The following CCT2 variants were observed in gnomAD, a reference collection of about 807,000 sequenced individuals.
CCT2 encodes the protein T-complex protein 1 subunit beta.
A neutral mutation model predicts 61.8 loss-of-function variants in CCT2; 18 were observed. That is an observed-to-expected ratio of 0.29 (90% CI 0.20 to 0.43). CCT2 has a LOEUF of 0.43. Ranked by LOEUF, CCT2 falls within the 20% of genes least tolerant of loss-of-function variation. The pLI is 1.00. For missense variants in CCT2, 556 were observed against 656.9 expected (o/e 0.85, Z 1.68); for synonymous variants, 248 against 215.9 (o/e 1.15, Z -1.30).
rs774471480 is a variant in CCT2 at position 69,588,165 on chromosome 12, A to C, written c.349A>C (p.Ile117Leu). The C allele has an allele frequency of 1.2e-6, 2 of 1,613,292 alleles. No individual in the cohort carries two copies. The highest frequency in any genetic ancestry group is 1.7e-6 in the Non-Finnish European group (2 of 1,179,424). Residue 117 changes from isoleucine to leucine, a missense_variant, in exon 6 of 16, where the codon ATT becomes CTT. Transcript: ENST00000299300. ...AELLREAESL[I>L]AKKIHPQTII... ...TTATTAATAGGAAGCAGAATCTTTAATTGCAAAAAAGATTCATCCACAGAC... is the reference window on the plus strand; with the variant it reads ...TTATTAATAGGAAGCAGAATCTTTACTTGCAAAAAAGATTCATCCACAGAC...
At chr12:69,599,074 A>G (rs998044853) in intron 14 of CCT2, among the ~76,000 whole-genome samples, 2 of 152,098 alleles carry the variant, frequency 1.3e-5, no homozygotes, top group East Asian at 1.9e-4. Flanking sequence ...AGTAGTTGAC[A>G]TTATTGTTGT....
At chr12:69,590,717 T>A (rs1412661941) in intron 7 of CCT2, among the ~76,000 whole-genome samples, 2 of 104,408 alleles carry the variant, frequency 1.9e-5, no homozygotes, top group Non-Finnish European at 3.7e-5. Flanking sequence ...TGTGTAGCAT[T>A]TCTTTTTTTT....
Position 69,592,746 on chromosome 12 carries a change from G to C in CCT2, c.751-230G>C, listed in dbSNP as rs1002156218. The C allele has an allele frequency of 1.4e-5, 5 of 361,120 alleles. No individual in the cohort carries two copies. In the Admixed American group the frequency reaches 1.8e-4, roughly 13 times the overall value. The allele number at this position is 361,120 out of a possible 1,614,324, so 22.4% of individuals were successfully genotyped here. On this transcript the variant is annotated intron_variant, in intron 8 of 15. Transcript: ENST00000299300. Reference sequence around the variant, plus strand: ...AAGGCCAGACTGACCAATGTGAGATGGTGAAACCCTGTCTTTACTAAAAAT... The same window carrying C: ...AAGGCCAGACTGACCAATGTGAGATCGTGAAACCCTGTCTTTACTAAAAAT...
At chr12:69,586,950 AG>A (rs1258566094) in intron 3 of CCT2, 132 bp downstream of exon 3, 10 of 559,548 alleles carry the variant, frequency 1.8e-5, no homozygotes, top group Non-Finnish European at 2.4e-5. Flanking sequence ...TGTTCTCCTT[AG>A]TAAAAATCAG....
chr12:69,594,327 C>T (rs991957930), intron 10 of CCT2, among the ~76,000 whole-genome samples: 1 of 151,976 alleles, frequency 6.6e-6, no homozygotes, highest in African/African-American at 2.4e-5. Context: ...ACAATAGTAA[C>T]CTTTATTGAA....
chr12:69,587,881 T>C (rs762139639), intron 4 of CCT2, 49 bp from the exon 5 acceptor site: 2 of 1,395,466 alleles, frequency 1.4e-6, no homozygotes, highest in South Asian at 1.2e-5. Context: ...TTGGAGAATT[T>C]AGTAAGCAAA....
intron 13 of CCT2, 121 bp downstream of exon 13, chr12:69,598,192 C>T (rs559732234): frequency 3.1e-6 from 3 of 970,432 alleles, no homozygotes; most frequent in South Asian, 1.6e-5. Flanking sequence ...TTCTCCTCTT[C>T]GTGAGCAGTA....
chr12:69,597,589 G>T, intron 11 of CCT2, 49 bp from the exon 12 acceptor site: 1 of 1,592,956 alleles, frequency 6.3e-7, no homozygotes. Flanking sequence ...ATAAATAATA[G>T]AAGGCAAACT....
At chr12:69,593,698 G>GTA (rs1337310932) in intron 10 of CCT2, 85 bp downstream of exon 10, 8 of 763,224 alleles carry the variant, frequency 1.0e-5, no homozygotes, top group Non-Finnish European at 1.8e-5. Flanking sequence ...CTACCTTTAA[G>GTA]GAGTTTAGAA....
rs765789089 is a variant in CCT2 at position 69,593,055 on chromosome 12, A to G, written c.830A>G (p.Glu277Gly). The G allele has an allele frequency of 1.2e-6, 2 of 1,613,660 alleles. No individual in the cohort carries two copies. The highest frequency in any genetic ancestry group is 3.3e-5 in the Admixed American group (2 of 60,014). The change falls in exon 9 of 16, where the codon GAG becomes GGG. Residue 277 changes from glutamate (E) to glycine (G), a missense_variant. Glu to Gly is a moderately conservative substitution (Grantham distance 98). This residue lies in a region of CCT2 where 308 missense variants were observed against 350.6 expected (regional missense o/e 0.88). Transcript: ENST00000299300. ...CATGCGGAAAAGGAAAAAATGAAGG[A>G]GAAAGTTGAACGTATTCTTAAGCAT... is the stretch of plus-strand genomic sequence containing the variant. ...IEHAEKEKMK[E>G]KVERILKHGI... is the part of the protein sequence containing the mutation.
chr12:69,591,915 C>G, intron 7 of CCT2, 144 bp from the exon 8 acceptor site: 5 of 511,922 alleles, frequency 9.8e-6, no homozygotes, highest in Non-Finnish European at 1.8e-5. Context: ...GACAAGCTTG[C>G]TTTTATGCCT....
chr12:69,593,519 T>A lies in CCT2; in HGVS notation c.888T>A (p.Ile296=). Residue 296 remains isoleucine, a synonymous_variant, in exon 10 of 16, where the codon ATT becomes ATA. Coordinates refer to ENST00000299300, the MANE Select transcript of CCT2 (RefSeq NM_006431.3). Reference sequence around the variant, plus strand: ...TGTATTTTATTTACAGGCAATTAATTTATAATTATCCTGAACAGCTCTTTG... The same window carrying A: ...TGTATTTTATTTACAGGCAATTAATATATAATTATCCTGAACAGCTCTTTG... ...GINCFINRQL[I]YNYPEQLFGA... 6.2e-7 allele frequency: 1 copy of A among 1,602,574 alleles called. No individual in the cohort carries two copies. The highest frequency in any genetic ancestry group is 8.5e-7 in the Non-Finnish European group (1 of 1,171,456).
chr12:69,591,642 G>A (rs971179551), intron 7 of CCT2, among the ~76,000 whole-genome samples: 1 of 152,176 alleles, frequency 6.6e-6, no homozygotes, highest in Non-Finnish European at 1.5e-5. Context: ...TGTCTGTACT[G>A]TGCTCTTATA....
At chr12:69,587,819 AT>A in intron 4 of CCT2, 110 bp from the exon 5 acceptor site, 1 of 921,656 alleles carries the variant, frequency 1.1e-6, no homozygotes, top group East Asian at 2.5e-5. Context: ...AGAGTTCCAA[AT>A]AATTTGTTGA....
At position 69,588,243 on chromosome 12, in the gene CCT2, A is replaced by T. The variant is rs941095012; in HGVS notation, c.427A>T (p.Ser143Cys). The change falls in exon 6 of 16, where the codon AGT (serine) becomes TGT (cysteine). Residue 143 changes from serine (S) to cysteine (C), a missense_variant. Transcript: ENST00000299300. The part of the protein sequence containing the change: ...ATKAAREALL[S>C]SAVDHGSDEV... ...GAAGGCTGCAAGAGAGGCGCTGTTG[A>T]GTTCTGCAGTTGATCATGGGTTTGT... 2.5e-6 allele frequency: 4 copies of T among 1,613,100 alleles called. No individual in the cohort carries two copies. Among genetic ancestry groups the T allele is most frequent in the Non-Finnish European group, 3.4e-6 (4 of 1,179,020 alleles).
intron 8 of CCT2, chr12:69,592,408 A>G (rs1186075356): frequency 9.1e-6 from 2 of 219,854 alleles, no homozygotes; most frequent in Non-Finnish European, 1.8e-5. Context: ...ACTTGAACCC[A>G]GGAGGCGGAG....
chr12:69,593,314 A>G (rs1460490117), intron 9 of CCT2, among the ~76,000 whole-genome samples, 196 bp from the exon 10 acceptor site: 2 of 152,348 alleles, frequency 1.3e-5, no homozygotes, highest in Middle Eastern at 6.8e-3. Context: ...ATAATAAAGA[A>G]CACTTCTTTT....
chr12:69,587,601 G>C lies in CCT2; in HGVS notation c.241G>C (p.Ala81Pro). 3 of 1,606,730 alleles carry C rather than the reference G, an allele frequency of 1.9e-6. No homozygotes were observed. The highest frequency in any genetic ancestry group is 2.6e-6 in the Non-Finnish European group (3 of 1,173,342). ...LKNIGVDNPA[A>P]KVLVDMSRVQ... ...AAACATTGGTGTTGACAATCCAGCA[G>C]CTAAAGTTTTAGTTGGTAAGTCTGA... The change falls in exon 4 of 16, where the codon GCT becomes CCT. Residue 81 changes from alanine to proline, a missense_variant. This residue lies in a region of CCT2 where 308 missense variants were observed against 350.6 expected (regional missense o/e 0.88). Coordinates refer to ENST00000299300, the MANE Select transcript of CCT2 (RefSeq NM_006431.3).
intron 14 of CCT2, among the ~76,000 whole-genome samples, chr12:69,599,143 G>A (rs1882078780): frequency 6.6e-6 from 1 of 152,174 alleles, no homozygotes; most frequent in Non-Finnish European, 1.5e-5. Flanking sequence ...CTGGAGTGCA[G>A]TGGCACCATG....
Sources: gnomAD v4.1 joint callset for allele counts (sites outside exome capture counted in the v4.1 genomes callset) on GRCh38, gnomAD v4.1.1 for gene constraint, gnomAD v4.1.1 regional missense constraint, MANE v1.5 for transcripts, NCBI Gene and HGNC (gene_info 2026-07-23, HGNC 2026-07-21) for gene names.